Variants in CUBN observed in about 807,000 individuals in gnomAD.
The protein encoded by CUBN is cubilin.
A neutral mutation model predicts 405.3 loss-of-function variants in CUBN; 282 were observed. That is an observed-to-expected ratio of 0.70 (90% CI 0.63 to 0.77). The LOEUF is 0.77. CUBN is among the 30% of genes least tolerant of loss of function. CUBN has a pLI of 0.00. For synonymous variants in CUBN, 1,684 were observed against 1,617.0 expected (o/e 1.04, Z -0.99); for missense variants, 4,514 against 4,475.2 (o/e 1.01, Z -0.25).
chr10:16,904,915 A>G (rs1203270411), intron 50 of CUBN, among the ~76,000 whole-genome samples: 2 of 152,184 alleles, frequency 1.3e-5, no homozygotes, highest in East Asian at 1.9e-4. Flanking sequence ...CCTTTCCCTT[A>G]TAAGCCTTTT....
chr10:17,090,273 G>C (rs1235658984), intron 14 of CUBN, among the ~76,000 whole-genome samples: 4 of 152,020 alleles, frequency 2.6e-5, no homozygotes, highest in African/African-American at 7.2e-5. Context: ...TGTATATTAT[G>C]CTCCCTTTTA....
chr10:16,976,157 A>AAAAAAT (rs1222063123), intron 31 of CUBN, among the ~76,000 whole-genome samples: 10 of 151,720 alleles, frequency 6.6e-5, no homozygotes, highest in Non-Finnish European at 1.2e-4. Flanking sequence ...TGTTTTGTAG[A>AAAAAAT]GACAGGGTCT....
At chr10:17,082,241 A>G (rs1835989801) in intron 17 of CUBN, among the ~76,000 whole-genome samples, 1 of 152,230 alleles carries the variant, frequency 6.6e-6, no homozygotes, top group African/African-American at 2.4e-5. Flanking sequence ...TGAAGTAGGA[A>G]CTGAAAGATC....
intron 39 of CUBN, 113 bp downstream of exon 39, chr10:16,937,479 G>A (rs1045073369): frequency 1.2e-5 from 10 of 820,544 alleles, no homozygotes; most frequent in Admixed American, 4.3e-5. Flanking sequence ...ATGGTGGAAG[G>A]GCTTTGGGGC....
At chr10:16,876,746 G>A (rs1840514541) in intron 57 of CUBN, 151 bp downstream of exon 57, 2 of 727,202 alleles carry the variant, frequency 2.8e-6, no homozygotes, top group Admixed American at 2.3e-5. Flanking sequence ...ATGTGTATAT[G>A]TATTTTTTAA....
At chr10:16,945,756 G>A (rs1473063795) in intron 36 of CUBN, among the ~76,000 whole-genome samples, 1 of 120,772 alleles carries the variant, frequency 8.3e-6, no homozygotes, top group South Asian at 2.7e-4. Flanking sequence ...AACAGAGCCA[G>A]ACTGTGTCTC....
chr10:16,991,476 T>C (rs1242016560), intron 28 of CUBN, among the ~76,000 whole-genome samples: 2 of 152,098 alleles, frequency 1.3e-5, no homozygotes, highest in South Asian at 4.1e-4. Context: ...GAGATTTCAG[T>C]ATGGAGAGGA....
At chr10:16,876,796 T>G in intron 57 of CUBN, 101 bp downstream of exon 57, 1 of 1,019,886 alleles carries the variant, frequency 9.8e-7, no homozygotes, top group Non-Finnish European at 1.5e-6. Flanking sequence ...TTAAATTCTC[T>G]GAATCTTCAA....
chr10:16,870,550 A>G (rs963683706), intron 58 of CUBN, among the ~76,000 whole-genome samples: 1 of 152,244 alleles, frequency 6.6e-6, no homozygotes, highest in African/African-American at 2.4e-5. Context: ...AAATGTAAGC[A>G]GAAGGGATAC....
At chr10:17,065,441 GTTT>G in intron 22 of CUBN, 64 bp downstream of exon 22, 1 of 1,594,606 alleles carries the variant, frequency 6.3e-7, no homozygotes, top group Non-Finnish European at 8.6e-7. Flanking sequence ...TTCTCATTGT[GTTT>G]TAGCTATTAG....
intron 56 of CUBN, among the ~76,000 whole-genome samples, chr10:16,880,097 C>A (rs1840625812): frequency 1.3e-5 from 2 of 152,212 alleles, no homozygotes; most frequent in Non-Finnish European, 2.9e-5. Flanking sequence ...GAGGCACACC[C>A]AACTTTGAAA....
At chr10:16,917,103 T>C (rs1841905518) in intron 45 of CUBN, among the ~76,000 whole-genome samples, 1 of 152,120 alleles carries the variant, frequency 6.6e-6, no homozygotes, top group Non-Finnish European at 1.5e-5. Flanking sequence ...TGAGCCACCA[T>C]GCCCCACTGA....
chr10:16,850,725 G>C (rs953046305), intron 60 of CUBN, among the ~76,000 whole-genome samples: 7 of 152,124 alleles, frequency 4.6e-5, no homozygotes, highest in Non-Finnish European at 8.8e-5. Context: ...CTCCTGCCTC[G>C]GTGTCCCAAA....
At chr10:16,998,682 C>A (rs929259477) in intron 28 of CUBN, among the ~76,000 whole-genome samples, 3 of 152,188 alleles carry the variant, frequency 2.0e-5, no homozygotes, top group Admixed American at 2.0e-4. Context: ...TCAAGGAGTG[C>A]ACATTTGTAA....
chr10:16,889,942 A>AAAAAAAAAAAAAAAAAAAAACAAACAAAC (rs1554788548), intron 55 of CUBN, among the ~76,000 whole-genome samples: 1 of 136,222 alleles, frequency 7.3e-6, no homozygotes, highest in African/African-American at 2.9e-5. Context: ...TGTCAAAAAA[A>AAAAAAAAAAAAAAAAAAAAACAAACAAAC]AAAAAAAAAA....
chr10:16,904,567 C>G (rs1180632606), intron 50 of CUBN, among the ~76,000 whole-genome samples: 1 of 152,194 alleles, frequency 6.6e-6, no homozygotes, highest in Non-Finnish European at 1.5e-5. Context: ...ACTCCATATT[C>G]GGCATTCAGG....
chr10:16,922,341 A>T (rs2131472232), intron 43 of CUBN, among the ~76,000 whole-genome samples: 1 of 152,266 alleles, frequency 6.6e-6, no homozygotes, highest in Middle Eastern at 3.4e-3. Context: ...TATCTTTGAT[A>T]TGCCCTCTCT....
rs59365817 is a variant in CUBN, at chr10:16,955,374, CAAAAAAA to C, written c.4696-833_4696-827del. Among the ~76,000 whole-genome samples, 120 of 68,854 alleles carry C rather than the reference CAAAAAAA, an allele frequency of 1.7e-3. 2 individuals are homozygous for C. The highest frequency in any genetic ancestry group is 2.6e-3 in the East Asian group (4 of 1,540). The allele number at this position is 68,854 out of a possible 152,430, so 45.2% of individuals were successfully genotyped here. A position where few individuals can be genotyped will look rare whatever the true frequency, so the allele number is the denominator to read the frequency against. On this transcript the variant is annotated intron_variant, in intron 31 of 66. Coordinates refer to ENST00000377833, the MANE Select transcript of CUBN (RefSeq NM_001081.4). ...GGCAACAGAGAGCGAGATTCTGTCT[CAAAAAAA>C]AAAAAAAAAAAAAAAAAAAAAGGAA...
At chr10:17,027,341 A>G (rs1404841763) in intron 27 of CUBN, among the ~76,000 whole-genome samples, 1 of 152,228 alleles carries the variant, frequency 6.6e-6, no homozygotes, top group Non-Finnish European at 1.5e-5. Flanking sequence ...CATAATAAAT[A>G]ACATGGGGAA....
Sources: allele counts gnomAD v4.1 joint callset (sites outside exome capture counted in the v4.1 genomes callset), GRCh38; gene constraint gnomAD v4.1.1; transcripts MANE v1.5; gene names NCBI Gene and HGNC (gene_info 2026-07-23, HGNC 2026-07-21).